ROBO1: variants seen among roughly 807,000 people sequenced by gnomAD.
ROBO1 encodes the protein roundabout homolog 1.
ROBO1 carries 149 observed loss-of-function variants against 195.9 expected under a neutral mutation model. The ratio of observed to expected loss-of-function variants is 0.76; its 90% confidence interval spans 0.67 to 0.87. ROBO1 has a LOEUF of 0.87. ROBO1 is among the 40% of genes least tolerant of loss of function. The pLI, the probability that ROBO1 is intolerant of heterozygous loss-of-function variation, is 0.00. For missense variants in ROBO1, 1,933 were observed against 2,068.3 expected, an observed-to-expected ratio of 0.93 and a Z score of 1.27; for synonymous variants, 816 against 733.2, an observed-to-expected ratio of 1.11 and a Z score of -1.82.
intron 2 of ROBO1, among the ~76,000 whole-genome samples, chr3:79,382,815 T>C (rs2036617848): frequency 6.6e-6 from 1 of 152,154 alleles, no homozygotes; most frequent in African/African-American, 2.4e-5. Flanking sequence ...CAATTCCTTG[T>C]AATCAACTTT....
At chr3:78,695,649 GA>G (rs1458191263) in intron 8 of ROBO1, among the ~76,000 whole-genome samples, 10 of 139,488 alleles carry the variant, frequency 7.2e-5, no homozygotes, top group African/African-American at 2.7e-4. Flanking sequence ...AAAAAGAAAA[GA>G]AAACAGAAAA....
At chr3:79,355,811 T>C (rs2035528427) in intron 2 of ROBO1, among the ~76,000 whole-genome samples, 1 of 152,152 alleles carries the variant, frequency 6.6e-6, no homozygotes, top group Non-Finnish European at 1.5e-5. Context: ...CATTCACCCA[T>C]TAATGGACAT....
intron 3 of ROBO1, among the ~76,000 whole-genome samples, chr3:78,966,080 C>T (rs2076637835): frequency 6.6e-6 from 1 of 152,182 alleles, no homozygotes; most frequent in Admixed American, 6.5e-5. Flanking sequence ...ATGCTCACGG[C>T]ACAAACCCTA....
Position 78,667,873 on chromosome 3 carries a change from C to G in ROBO1, c.1966+10G>C. 6.2e-7 allele frequency: 1 copy of G among 1,610,930 alleles called. No individual in the cohort carries two copies. ...GTAGGTGTCACAGGTTTAAGTAAATCAATATTTACCTTGTGTTTTCACTGG... is the reference window on the plus strand; with the variant it reads ...GTAGGTGTCACAGGTTTAAGTAAATGAATATTTACCTTGTGTTTTCACTGG... On this transcript the variant is annotated intron_variant, in intron 14 of 30. Coordinates refer to ENST00000464233, the MANE Select transcript of ROBO1 (RefSeq NM_002941.4).
intron 3 of ROBO1, among the ~76,000 whole-genome samples, chr3:79,022,918 T>A (rs1265999542): frequency 6.6e-6 from 1 of 152,128 alleles, no homozygotes; most frequent in Non-Finnish European, 1.5e-5. Flanking sequence ...ATCTCTTGCG[T>A]TGCTCCAATG....
At chr3:78,943,240 T>C (rs1296295734) in intron 3 of ROBO1, among the ~76,000 whole-genome samples, 1 of 151,932 alleles carries the variant, frequency 6.6e-6, no homozygotes, top group Non-Finnish European at 1.5e-5. Flanking sequence ...AAGGTTTTTG[T>C]TTTGTTTTGT....
Position 79,295,961 on chromosome 3 carries a change from T to C in ROBO1, c.89-170422A>G, listed in dbSNP as rs2032571984. The stretch of plus-strand genomic sequence containing the variant: ...ACATTTCATATGTATAAATATTAAG[T>C]TTTTTTAATTAAAATGTTTTGGTTA... On this transcript the variant is annotated intron_variant, in intron 2 of 30. Transcript: ENST00000464233. Among the ~76,000 whole-genome samples the C allele has an allele frequency of 1.3e-5, 2 of 152,164 alleles. 1 individual carries two copies. Among genetic ancestry groups the C allele is most frequent in the South Asian group, 4.1e-4 (2 of 4,832 alleles).
At chr3:79,217,608 C>A (rs2082076939) in intron 2 of ROBO1, among the ~76,000 whole-genome samples, 2 of 151,862 alleles carry the variant, frequency 1.3e-5, no homozygotes, top group African/African-American at 4.8e-5. Context: ...TTTTCTTAGA[C>A]TATTTCTGCA....
intron 3 of ROBO1, among the ~76,000 whole-genome samples, chr3:78,981,657 C>T (rs916604249): frequency 5.9e-5 from 9 of 151,968 alleles, no homozygotes; most frequent in Non-Finnish European, 1.2e-4. Flanking sequence ...AGAACAATAC[C>T]CGAAGTATAG....
chr3:79,463,575 C>T (rs1937777550), intron 2 of ROBO1, among the ~76,000 whole-genome samples: 1 of 152,036 alleles, frequency 6.6e-6, no homozygotes, highest in South Asian at 2.1e-4. Flanking sequence ...CATAGATTAG[C>T]TTGAAGCCAA....
rs1227781182 is a variant in ROBO1 at position 78,770,083 on chromosome 3, C to A, written c.500-23183G>T. ...TGAAGATCATTTTGTGATTAATTTC[C>A]CAGGTGTTCTTCTTGCTTCTTGAAT... On this transcript the variant is annotated intron_variant, in intron 4 of 30. Coordinates refer to ENST00000464233, the MANE Select transcript of ROBO1 (RefSeq NM_002941.4). Among the ~76,000 whole-genome samples the A allele has an allele frequency of 4.6e-5, 7 of 152,142 alleles. No homozygotes were observed. The East Asian group carries it at 1.4e-3, about 29-fold the overall frequency.
intron 2 of ROBO1, among the ~76,000 whole-genome samples, chr3:79,286,383 A>G (rs2031888111): frequency 6.6e-6 from 1 of 152,184 alleles, no homozygotes; most frequent in Non-Finnish European, 1.5e-5. Flanking sequence ...CGAATGTCCA[A>G]TCATCCAATT....
At chr3:78,830,857 T>A (rs2032115318) in intron 4 of ROBO1, among the ~76,000 whole-genome samples, 1 of 152,144 alleles carries the variant, frequency 6.6e-6, no homozygotes, top group Admixed American at 6.5e-5. Flanking sequence ...CCACAGCTTC[T>A]ACTTTGGTAA....
Position 78,647,669 on chromosome 3 carries a change from A to C in ROBO1, c.2813-14T>G. 6.2e-7 allele frequency: 1 copy of C among 1,607,946 alleles called. No individual in the cohort carries two copies. The highest frequency in any genetic ancestry group is 1.3e-5 in the African/African-American group (1 of 74,870). On this transcript the variant is annotated splice_polypyrimidine_tract_variant and intron_variant, in intron 19 of 30. Transcript: ENST00000464233. ...TAAAAGACGGGACTGAAAAATCAAAACAAAATATAAACCAGTTATTAAGCT... is the reference window on the plus strand; with the variant it reads ...TAAAAGACGGGACTGAAAAATCAAACCAAAATATAAACCAGTTATTAAGCT...
At chr3:79,463,130 T>C (rs988877874) in intron 2 of ROBO1, among the ~76,000 whole-genome samples, 16 of 152,180 alleles carry the variant, frequency 1.1e-4, no homozygotes, top group Admixed American at 9.8e-4. Context: ...TCCCAGCACT[T>C]TGGGAAGCTG....
Position 78,994,945 on chromosome 3 carries a change from C to A in ROBO1, c.173-56018G>T, listed in dbSNP as rs553538680. 1.6e-4 allele frequency among the ~76,000 whole-genome samples: 25 copies of A among 152,274 alleles called. 1 individual carries two copies. The South Asian group carries it at 5.2e-3, about 32-fold the overall frequency. ...ACATCGTGTGTTTATACATACCTCACAGACATGAATCCATACATTCAGCCT... is the reference window on the plus strand; with the variant it reads ...ACATCGTGTGTTTATACATACCTCAAAGACATGAATCCATACATTCAGCCT... On this transcript the variant is annotated intron_variant, in intron 3 of 30. Transcript: ENST00000464233.
At chr3:79,499,820 T>A (rs1328644331) in intron 2 of ROBO1, among the ~76,000 whole-genome samples, 2 of 151,864 alleles carry the variant, frequency 1.3e-5, no homozygotes, top group Non-Finnish European at 2.9e-5. Flanking sequence ...AGTTTTAATT[T>A]AATTAATTAA....
At chr3:78,632,857 T>A (rs1253294494) in intron 24 of ROBO1, among the ~76,000 whole-genome samples, 1 of 152,170 alleles carries the variant, frequency 6.6e-6, no homozygotes, top group East Asian at 1.9e-4. Flanking sequence ...TTCTTAAAAG[T>A]AGATCCTTGA....
At chr3:79,738,753 A>T (rs1703498049) in intron 1 of ROBO1, among the ~76,000 whole-genome samples, 1 of 152,176 alleles carries the variant, frequency 6.6e-6, no homozygotes, top group African/African-American at 2.4e-5. Context: ...TGTGTATTTA[A>T]TGTTATTTAG....
Sources: allele counts gnomAD v4.1 joint callset (sites outside exome capture counted in the v4.1 genomes callset), GRCh38; gene constraint gnomAD v4.1.1; transcripts MANE v1.5; gene names NCBI Gene and HGNC (gene_info 2026-07-23, HGNC 2026-07-21).